The following SMARCD2 variants were observed in gnomAD, a reference collection of about 807,000 sequenced individuals.
The protein encoded by SMARCD2 is SWI/SNF related BAF chromatin remodeling complex subunit D2, also known as SWI/SNF-related matrix-associated actin-dependent regulator of chromatin subfamily D member 2.
SMARCD2 carries 39 observed loss-of-function variants against 70.4 expected under a neutral mutation model. The observed-to-expected ratio is 0.55, with a 90% CI of 0.43 to 0.72. The LOEUF (loss-of-function observed/expected upper bound fraction) is 0.72. Ranked by LOEUF, SMARCD2 falls within the 30% of genes least tolerant of loss-of-function variation. SMARCD2 has a pLI of 0.00. For missense variants in SMARCD2, 540 were observed against 713.4 expected (o/e 0.76, Z 2.77); for synonymous variants, 249 against 279.4 (o/e 0.89, Z 1.08).
At position 63,833,436 on chromosome 17, in the gene SMARCD2, G is replaced by A. The variant is rs1039312932; in HGVS notation, c.1318-16C>T. The A allele has an allele frequency of 3.1e-6, 5 of 1,613,652 alleles. No homozygotes were observed. In the African/African-American group the frequency reaches 5.3e-5, roughly 17 times the overall value. On this transcript the variant is annotated splice_polypyrimidine_tract_variant and intron_variant, in intron 10 of 12. Transcript: ENST00000448276. The surrounding 1 kb of genome is among the most constrained non-coding windows in gnomAD (Gnocchi z 4.3). ...TCTCATGGATCTGGAGAGGGTACCT[G>A]TGTCAGACTGTGCCCCCAAAGCTTA...
In SMARCD2 at chr17:63,833,454, A is replaced by G; in HGVS notation, c.1318-34T>C. 1 of 1,612,634 alleles carries G rather than the reference A, an allele frequency of 6.2e-7. No homozygotes were observed. The highest frequency in any genetic ancestry group is 1.1e-5 in the South Asian group (1 of 91,012). The stretch of plus-strand genomic sequence containing the variant: ...GGTACCTGTGTCAGACTGTGCCCCC[A>G]AAGCTTACATGCAAGCAACTGAGCC... On this transcript the variant is annotated intron_variant, in intron 10 of 12. Coordinates refer to ENST00000448276, the MANE Select transcript of SMARCD2 (RefSeq NM_001098426.2). This position sits in a 1 kb window ranked among gnomAD's most constrained non-coding sequence, Gnocchi z 4.3.
Position 63,835,470 on chromosome 17 carries a change from G to A in SMARCD2, c.665C>T (p.Pro222Leu), listed in dbSNP as rs769332634. 2.5e-6 allele frequency: 4 copies of A among 1,613,952 alleles called. No homozygotes were observed. The highest frequency in any genetic ancestry group is 1.3e-5 in the African/African-American group (1 of 75,066). Reference sequence around the variant, plus strand: ...CCAGGAAGCCACCTTGTCCCCTGCTGGGGTTCCCCCAGGGGTCCCTGCAGT... The same window carrying A: ...CCAGGAAGCCACCTTGTCCCCTGCTAGGGTTCCCCCAGGGGTCCCTGCAGT... Reference protein sequence around the residue: ...AGTAGTPGGTPAGDKVASWEL... With the variant: ...AGTAGTPGGTLAGDKVASWEL... Residue 222 changes from proline (P) to leucine (L), a missense_variant, in exon 5 of 13, where the codon CCA (proline) becomes CTA (leucine). By Grantham distance (98) the Pro-to-Leu change is moderately conservative. Coordinates refer to ENST00000448276, the MANE Select transcript of SMARCD2 (RefSeq NM_001098426.2).
chr17:63,834,643 C>G lies in SMARCD2; in HGVS notation c.819+62G>C. The stretch of plus-strand genomic sequence containing the variant: ...GTGAACACAGGGCCTCCCAAGGGCC[C>G]TGAGGCCATTTCCCTGCCAAACCTG... On this transcript the variant is annotated intron_variant, in intron 6 of 12. Coordinates refer to ENST00000448276, the MANE Select transcript of SMARCD2 (RefSeq NM_001098426.2). This position sits in a 1 kb window ranked among gnomAD's most constrained non-coding sequence, Gnocchi z 5.6. 1.3e-6 allele frequency: 2 copies of G among 1,569,960 alleles called. No homozygotes were observed. The highest frequency in any genetic ancestry group is 1.8e-6 in the Non-Finnish European group (2 of 1,140,494).
At position 63,836,498 on chromosome 17, in the gene SMARCD2, C is replaced by CGGAAAAAAAAAAAAAA. The variant is rs1214342690; in HGVS notation, c.567+423_567+424insTTTTTTTTTTTTTTCC. Among the ~76,000 whole-genome samples, 9 of 98,236 alleles carry CGGAAAAAAAAAAAAAA rather than the reference C, an allele frequency of 9.2e-5. 2 individuals are homozygous for CGGAAAAAAAAAAAAAA. The highest frequency in any genetic ancestry group is 1.3e-4 in the African/African-American group (3 of 23,366). The allele number at this position is 98,236 out of a possible 152,430, so 64.4% of individuals were successfully genotyped here. A position where few individuals can be genotyped will look rare whatever the true frequency, so the allele number is the denominator to read the frequency against. ...TAGGTGAAAGAGCGAGACTCCATCT[C>CGGAAAAAAAAAAAAAA]AGAAAAAAAAAAAAAAAAAAAAAAG... On this transcript the variant is annotated intron_variant, in intron 4 of 12. Transcript: ENST00000448276.
rs1432101552 is a variant in SMARCD2, at chr17:63,834,442, G to A, written c.921+32C>T. The A allele has an allele frequency of 3.2e-6, 5 of 1,557,874 alleles. No homozygotes were observed. Among genetic ancestry groups the A allele is most frequent in the Non-Finnish European group, 3.5e-6 (4 of 1,143,476 alleles). On this transcript the variant is annotated intron_variant, in intron 7 of 12. Coordinates refer to ENST00000448276, the MANE Select transcript of SMARCD2 (RefSeq NM_001098426.2). The surrounding 1 kb of genome is among the most constrained non-coding windows in gnomAD (Gnocchi z 5.6). ...AGCTCCCCTCCTGAGGGGTCCCTGT[G>A]GGCCCAGAAATGACCCCAGGGTCTC...
rs1904343541 is a variant in SMARCD2 at position 63,839,267 on chromosome 17, G to T, written c.217-1642C>A. 3 of 985,030 alleles carry T rather than the reference G, an allele frequency of 3.0e-6. No individual in the cohort carries two copies. In the South Asian group the frequency reaches 1.4e-4, roughly 46 times the overall value. The allele number at this position is 985,030 out of a possible 1,614,324, so 61.0% of individuals were successfully genotyped here. On this transcript the variant is annotated intron_variant, in intron 1 of 12. Transcript: ENST00000448276. ...AAAGACAGGGAAGAACTGAAGCAGT[G>T]GGTCCTGCAGAGGTGAGCGAGGGCC...
At chr17:63,838,710 G>C in intron 1 of SMARCD2, 2 of 1,384,530 alleles carry the variant, frequency 1.4e-6, no homozygotes, top group Non-Finnish European at 1.9e-6. Context: ...CTGTTTGGCA[G>C]CTCTGCCTTG....
At chr17:63,835,250 G>C in intron 5 of SMARCD2, 162 bp downstream of exon 5, 1 of 659,452 alleles carries the variant, frequency 1.5e-6, no homozygotes, top group Non-Finnish European at 2.5e-6. Flanking sequence ...AGCCTTATGA[G>C]TAGCTGGGAC....
At chr17:63,835,015 T>G in intron 5 of SMARCD2, 1 of 584,850 alleles carries the variant, frequency 1.7e-6, no homozygotes, top group Non-Finnish European at 3.0e-6. Context: ...GACACTCGAC[T>G]GCCATCTGCA....
chr17:63,838,942 A>G, intron 1 of SMARCD2: 8 of 985,352 alleles, frequency 8.1e-6, no homozygotes, highest in Non-Finnish European at 9.6e-6. Flanking sequence ...AGATGCGGAG[A>G]TGGAAAGAAA....
chr17:63,837,504 T>C lies in SMARCD2; in HGVS notation c.338A>G (p.Asp113Gly). ...CACAAGCAGGCGTTTTCGGAATGGATCCATCATGGTGGGTGGCATGCCAGG... is the reference window on the plus strand; with the variant it reads ...CACAAGCAGGCGTTTTCGGAATGGACCCATCATGGTGGGTGGCATGCCAGG... The part of the protein sequence containing the change: ...LRPGMPPTMM[D>G]PFRKRLLVPQ... The change falls in exon 2 of 13, where the codon GAT becomes GGT. Residue 113 changes from aspartate to glycine, a missense_variant. By Grantham distance (94) the Asp-to-Gly change is moderately conservative. Transcript: ENST00000448276. The surrounding 1 kb of genome is among the most constrained non-coding windows in gnomAD (Gnocchi z 6.4). 1 of 1,601,572 alleles carries C rather than the reference T, an allele frequency of 6.2e-7. No homozygotes were observed. Among genetic ancestry groups the C allele is most frequent in the Non-Finnish European group, 8.5e-7 (1 of 1,172,276 alleles).
Position 63,837,018 on chromosome 17 carries a change from C to G in SMARCD2, c.471G>C (p.Gln157His). The change falls in exon 4 of 13, where the codon CAG becomes CAC. Residue 157 changes from glutamine to histidine, a missense_variant. Transcript: ENST00000448276. The surrounding 1 kb of genome is among the most constrained non-coding windows in gnomAD (Gnocchi z 6.4). ...CAAAAGCCAAGAGATCCATGTACGC[C>G]TGAGACTCTGGAACAAGCTCCCGGA... ...QRIRELVPES[Q>H]AYMDLLAFER... 1.9e-6 allele frequency: 3 copies of G among 1,613,818 alleles called. No individual in the cohort carries two copies. The highest frequency in any genetic ancestry group is 2.5e-6 in the Non-Finnish European group (3 of 1,179,680).
chr17:63,842,637 G>A lies in SMARCD2; in HGVS notation c.38C>T (p.Pro13Leu), dbSNP rs1598361978. The A allele has an allele frequency of 1.6e-6, 2 of 1,257,158 alleles. No homozygotes were observed. Among genetic ancestry groups the A allele is most frequent in the South Asian group, 3.0e-5 (1 of 33,234 alleles). 77.9% of individuals were successfully genotyped at this position (1,257,158 alleles called of 1,614,324 possible). Residue 13 changes from proline to leucine, a missense_variant, in exon 1 of 13, where the codon CCG (proline) becomes CTG (leucine). Coordinates refer to ENST00000448276, the MANE Select transcript of SMARCD2 (RefSeq NM_001098426.2). ...CACGGCGCCGCCGCCAGGGCTTAGCGGGGGCAGCGGGAACCCGCCCGCGCC... is the reference window on the plus strand; with the variant it reads ...CACGGCGCCGCCGCCAGGGCTTAGCAGGGGCAGCGGGAACCCGCCCGCGCC... The part of the protein sequence containing the change: ...GRGAGGFPLP[P>L]LSPGGGAVAA...
intron 4 of SMARCD2, among the ~76,000 whole-genome samples, chr17:63,836,137 C>T (rs1342396688): frequency 6.6e-6 from 1 of 152,108 alleles, no homozygotes; most frequent in Non-Finnish European, 1.5e-5. Context: ...TGGCTCACAT[C>T]TTACATGAAA....
In SMARCD2 at chr17:63,834,672, A is replaced by G. The variant is rs1006460275; in HGVS notation, c.819+33T>C. The G allele has an allele frequency of 6.3e-7, 1 of 1,588,844 alleles. No homozygotes were observed. Among genetic ancestry groups the G allele is most frequent in the East Asian group, 2.2e-5 (1 of 44,752 alleles). On this transcript the variant is annotated intron_variant, in intron 6 of 12. Coordinates refer to ENST00000448276, the MANE Select transcript of SMARCD2 (RefSeq NM_001098426.2). This position sits in a 1 kb window ranked among gnomAD's most constrained non-coding sequence, Gnocchi z 5.6. The stretch of plus-strand genomic sequence containing the variant: ...GGCCATTTCCCTGCCAAACCTGCAC[A>G]TCAGCCTGCTTTTGCCCCAGGCCCA...
At position 63,837,835 on chromosome 17, in the gene SMARCD2, AT is replaced by A. The variant is rs1326576764; in HGVS notation, c.217-211del. 6.6e-6 allele frequency among the ~76,000 whole-genome samples: 1 copy of A among 152,142 alleles called. No individual in the cohort carries two copies. Among genetic ancestry groups the A allele is most frequent in the African/African-American group, 2.4e-5 (1 of 41,424 alleles). On this transcript the variant is annotated intron_variant, in intron 1 of 12. Transcript: ENST00000448276. The surrounding 1 kb of genome is among the most constrained non-coding windows in gnomAD (Gnocchi z 6.4). ...GCCCCCTGCAACCGCCCTGGCAGCC[AT>A]GCCAGCGAATGAGGCCTGCCAGAAC...
At chr17:63,839,373 T>C (rs1904351727) in intron 1 of SMARCD2, 1 of 257,842 alleles carries the variant, frequency 3.9e-6, no homozygotes, top group Non-Finnish European at 6.1e-6. Flanking sequence ...GGTGCTCCGG[T>C]AACAGGAAGT....
At chr17:63,839,366 G>GA (rs1904350704) in intron 1 of SMARCD2, 1 of 312,674 alleles carries the variant, frequency 3.2e-6, no homozygotes, top group Non-Finnish European at 4.6e-6. Context: ...CTGGGCAGGT[G>GA]CTCCGGTAAC....
intron 1 of SMARCD2, chr17:63,838,873 C>A: frequency 8.0e-7 from 1 of 1,245,818 alleles, no homozygotes; most frequent in Non-Finnish European, 1.0e-6. Flanking sequence ...GATTCTTCCC[C>A]AACCTCTTCA....
Sources: gnomAD v4.1 joint callset for allele counts (sites outside exome capture counted in the v4.1 genomes callset) on GRCh38, gnomAD v4.1.1 for gene constraint, Gnocchi (gnomAD v3.1) non-coding constraint, MANE v1.5 for transcripts, NCBI Gene and HGNC (gene_info 2026-07-23, HGNC 2026-07-21) for gene names.